Variants in PCDHA4 observed in about 807,000 individuals in gnomAD.
PCDHA4 encodes the protein protocadherin alpha 4, also known as protocadherin alpha-4.
PCDHA4 carries 49 observed loss-of-function variants against 61.4 expected under a neutral mutation model. The ratio of observed to expected loss-of-function variants is 0.80; its 90% CI spans 0.63 to 1.01. The LOEUF is 1.01. PCDHA4 is among the 50% of genes least tolerant of loss of function. The pLI, the probability that PCDHA4 is intolerant of heterozygous loss-of-function variation, is 0.00. For synonymous variants in PCDHA4, 590 were observed against 550.3 expected (o/e 1.07, Z -1.01); for missense variants, 1,254 against 1,235.8 (o/e 1.01, Z -0.22).
At chr5:140,912,767 G>A (rs1388605585) in intron 1 of PCDHA4, among the ~76,000 whole-genome samples, 2 of 152,064 alleles carry the variant, frequency 1.3e-5, no homozygotes, top group African/African-American at 4.8e-5. Context: ...TTATTACTTT[G>A]AGGTATGTCC....
At chr5:140,973,886 T>C (rs887432391) in intron 1 of PCDHA4, among the ~76,000 whole-genome samples, 2 of 152,242 alleles carry the variant, frequency 1.3e-5, no homozygotes, top group African/African-American at 4.8e-5. Flanking sequence ...TAATGTCAAT[T>C]TGCAAATGTT....
Position 140,857,204 on chromosome 5 carries a change from T to C in PCDHA4, c.2385+47632T>C, listed in dbSNP as rs202111737. On this transcript the variant is annotated intron_variant, in intron 1 of 3. Coordinates refer to ENST00000530339, the MANE Select transcript of PCDHA4 (RefSeq NM_018907.4). ...TTCAGGAGCCAACGGACAGGTCACC[T>C]GCTCTCTGACGCCTCACGTTCCGTT... 221 of 1,598,644 alleles carry C rather than the reference T, an allele frequency of 1.4e-4. 20 individuals are homozygous for C. The highest frequency in any genetic ancestry group is 2.4e-4 in the Admixed American group (14 of 59,320).
At chr5:140,958,278 T>A (rs1445019557) in intron 1 of PCDHA4, among the ~76,000 whole-genome samples, 1 of 152,090 alleles carries the variant, frequency 6.6e-6, no homozygotes, top group Non-Finnish European at 1.5e-5. Flanking sequence ...GAAGTATATA[T>A]TTTAAATATT....
At chr5:140,958,515 A>G (rs1217324801) in intron 1 of PCDHA4, among the ~76,000 whole-genome samples, 1 of 152,150 alleles carries the variant, frequency 6.6e-6, no homozygotes, top group Non-Finnish European at 1.5e-5. Flanking sequence ...TGGCTGTCCA[A>G]TATATACTAT....
intron 1 of PCDHA4, chr5:140,811,488 T>C (rs1192193406): frequency 6.6e-6 from 1 of 152,242 alleles, no homozygotes; most frequent in Non-Finnish European, 1.5e-5. Context: ...TGTGTCTTTA[T>C]AGTAGCATGA....
intron 1 of PCDHA4, chr5:140,869,729 A>C (rs1554163384): frequency 6.2e-7 from 1 of 1,613,280 alleles, no homozygotes; most frequent in Admixed American, 1.7e-5. Context: ...CCGGAACTTA[A>C]TTTGCTGCTA....
intron 3 of PCDHA4, among the ~76,000 whole-genome samples, chr5:140,993,462 TCACACACACACACA>T (rs3836747): frequency 0.028 from 4,017 of 141,026 alleles, 179 homozygotes; most frequent in African/African-American, 0.099. Context: ...TCTTTCTTTC[TCACACACACACACA>T]CACACACACA....
At chr5:140,821,141 T>G (rs190404735) in intron 1 of PCDHA4, among the ~76,000 whole-genome samples, 63 of 152,270 alleles carry the variant, frequency 4.1e-4, no homozygotes, top group African/African-American at 1.3e-3. Flanking sequence ...ATTTGTTTTA[T>G]GAGTAACACG....
intron 1 of PCDHA4, chr5:140,927,826 G>T (rs782694866): frequency 2.5e-6 from 4 of 1,614,076 alleles, no homozygotes; most frequent in Middle Eastern, 3.3e-4. Flanking sequence ...ATACATTGAG[G>T]CGAGGGACGA....
At chr5:140,904,570 G>T (rs1377408350) in intron 1 of PCDHA4, among the ~76,000 whole-genome samples, 1 of 151,378 alleles carries the variant, frequency 6.6e-6, no homozygotes, top group African/African-American at 2.4e-5. Context: ...TTTTCCTCTG[G>T]GTAGACACCC....
At chr5:140,836,372 C>T (rs2150258931) in intron 1 of PCDHA4, 5 of 1,613,738 alleles carry the variant, frequency 3.1e-6, no homozygotes, top group East Asian at 4.5e-5. Flanking sequence ...CAGCCACAGC[C>T]ACCGTGCTGG....
chr5:141,010,293 G>A lies in PCDHA4; in HGVS notation c.*356G>A. ...ATCCTGTCTTGATGACACTTGCAGG[G>A]CAGGCTGAAAAGTTTTGAGATTGAG... On this transcript the variant is annotated 3_prime_UTR_variant, in exon 4 of 4. Transcript: ENST00000530339. The A allele has an allele frequency of 6.5e-7, 1 of 1,549,794 alleles. No individual in the cohort carries two copies. The highest frequency in any genetic ancestry group is 2.4e-5 in the East Asian group (1 of 40,902).
chr5:140,876,286 G>C (rs782471001), intron 1 of PCDHA4: 14 of 1,614,040 alleles, frequency 8.7e-6, no homozygotes, highest in Non-Finnish European at 1.0e-5. Context: ...TCCAGACGAA[G>C]GACTTAATGG....
chr5:141,000,379 CTCTCTCTCTCTCTCTCTA>C (rs1224441934), intron 3 of PCDHA4, among the ~76,000 whole-genome samples: 4 of 60,364 alleles, frequency 6.6e-5, no homozygotes, highest in Non-Finnish European at 9.2e-5. Flanking sequence ...CTCTCTCTCT[CTCTCTCTCTCTCTCTCTA>C]TATATATATA....
At chr5:140,889,872 G>A (rs1554184085) in intron 1 of PCDHA4, among the ~76,000 whole-genome samples, 1 of 152,140 alleles carries the variant, frequency 6.6e-6, no homozygotes, top group South Asian at 2.1e-4. Flanking sequence ...GGGGAAGCCT[G>A]CCACCATGTA....
At chr5:140,916,417 A>G (rs2077566178) in intron 1 of PCDHA4, among the ~76,000 whole-genome samples, 1 of 152,246 alleles carries the variant, frequency 6.6e-6, no homozygotes. Flanking sequence ...AAGTCAGCAC[A>G]TCTCAGAACC....
chr5:140,861,023 C>T (rs1192782331), intron 1 of PCDHA4: 1 of 152,246 alleles, frequency 6.6e-6, no homozygotes, highest in Non-Finnish European at 1.5e-5. Context: ...GCCACCGCAC[C>T]CGGCCGAAAG....
Position 141,001,288 on chromosome 5 carries a change from C to T in PCDHA4, c.2534-8339C>T, listed in dbSNP as rs147786395. 2.9e-3 allele frequency among the ~76,000 whole-genome samples: 438 copies of T among 152,218 alleles called. 7 individuals are homozygous for T. The East Asian group carries it at 0.044, about 15-fold the overall frequency. ...TATGAACTTTTTTTACGGATGAAAACTGAGGCCCAGAGATATGAAATAATT... is the reference window on the plus strand; with the variant it reads ...TATGAACTTTTTTTACGGATGAAAATTGAGGCCCAGAGATATGAAATAATT... On this transcript the variant is annotated intron_variant, in intron 3 of 3. Transcript: ENST00000530339.
chr5:140,966,453 C>G, intron 1 of PCDHA4: 1 of 426,310 alleles, frequency 2.3e-6, no homozygotes, highest in Non-Finnish European at 4.1e-6. Flanking sequence ...TTCCCCCTCC[C>G]CCTCTGTCTT....
Sources: allele counts gnomAD v4.1 joint callset (sites outside exome capture counted in the v4.1 genomes callset), GRCh38; gene constraint gnomAD v4.1.1; transcripts MANE v1.5; gene names NCBI Gene and HGNC (gene_info 2026-07-23, HGNC 2026-07-21).